Variants in XIRP2 observed in about 807,000 individuals in gnomAD.
The protein encoded by XIRP2 is xin actin-binding repeat-containing protein 2.
XIRP2 carries 236 observed loss-of-function variants against 277.0 expected under a neutral mutation model. The observed-to-expected ratio is 0.85, with a 90% CI of 0.77 to 0.95. The LOEUF is 0.95. Among genes scored for constraint, XIRP2 ranks in the 40% least tolerant of loss-of-function variants. The probability of loss-of-function intolerance (pLI) is 0.00; values close to 1 mark genes in which losing one functional copy is unlikely to be tolerated. For missense variants in XIRP2, 4,640 were observed against 4,157.5 expected, an observed-to-expected ratio of 1.12 and a Z score of -3.19; for synonymous variants, 1,490 against 1,416.5, an observed-to-expected ratio of 1.05 and a Z score of -1.17.
intron 2 of XIRP2, among the ~76,000 whole-genome samples, chr2:167,114,867 C>T (rs1156868298): frequency 6.6e-6 from 1 of 152,154 alleles, no homozygotes; most frequent in African/African-American, 2.4e-5. Flanking sequence ...GGGTTGGTTC[C>T]AAGTCTTTGC....
At chr2:167,242,493 C>G in intron 8 of XIRP2, 76 bp from the exon 9 acceptor site, 1 of 1,476,126 alleles carries the variant, frequency 6.8e-7, no homozygotes, top group Non-Finnish European at 9.1e-7. Flanking sequence ...AGGTTACAGA[C>G]CAATGAAGGG....
At chr2:167,128,435 G>T (rs1691272708) in intron 2 of XIRP2, among the ~76,000 whole-genome samples, 1 of 151,980 alleles carries the variant, frequency 6.6e-6, no homozygotes, top group Non-Finnish European at 1.5e-5. Context: ...ACCATGCACG[G>T]GAAATACAGT....
intron 2 of XIRP2, among the ~76,000 whole-genome samples, chr2:167,132,477 T>C (rs1691405557): frequency 6.6e-6 from 1 of 151,616 alleles, no homozygotes; most frequent in Admixed American, 6.6e-5. Context: ...GCTTTTCACA[T>C]GGCAGACCTG....
At chr2:166,985,063 T>C (rs1686966006) in intron 2 of XIRP2, among the ~76,000 whole-genome samples, 1 of 152,238 alleles carries the variant, frequency 6.6e-6, no homozygotes, top group Non-Finnish European at 1.5e-5. Context: ...TATTGCCAGA[T>C]ATGTCACATC....
At chr2:167,156,718 A>C (rs1692208788) in intron 3 of XIRP2, among the ~76,000 whole-genome samples, 1 of 152,202 alleles carries the variant, frequency 6.6e-6, no homozygotes, top group African/African-American at 2.4e-5. Flanking sequence ...CATTGTATCA[A>C]ATACAGTTTG....
chr2:167,206,516 A>G (rs1378734249), intron 3 of XIRP2, among the ~76,000 whole-genome samples: 4 of 152,188 alleles, frequency 2.6e-5, no homozygotes, highest in Non-Finnish European at 5.9e-5. Flanking sequence ...CTGATTTAAT[A>G]TCGGCCAAGT....
intron 3 of XIRP2, among the ~76,000 whole-genome samples, chr2:167,201,324 G>GGAAGGAAGGAAGGAAGGAAA (rs1693709428): frequency 5.3e-5 from 5 of 94,636 alleles, no homozygotes; most frequent in Admixed American, 2.0e-4. Flanking sequence ...AAAGAACGAA[G>GGAAGGAAGGAAGGAAGGAAA]GAAGGAAGGA....
At chr2:167,090,300 G>A (rs1056788518) in intron 2 of XIRP2, among the ~76,000 whole-genome samples, 4 of 152,050 alleles carry the variant, frequency 2.6e-5, no homozygotes, top group Admixed American at 6.5e-5. Context: ...CAACTGATAC[G>A]TGATTGAGTA....
chr2:167,249,682 C>A lies in XIRP2; in HGVS notation c.8290C>A (p.Gln2764Lys). The stretch of plus-strand genomic sequence containing the variant: ...AGCAAGCACTGAATGTAGTCATAAG[C>A]AATCTCTGGCTGAAAGACATTATCA... ...TEASTECSHK[Q>K]SLAERHYQLP... The change falls in exon 9 of 11, where the codon CAA becomes AAA. Residue 2764 changes from glutamine to lysine, a missense_variant. Gln to Lys is a moderately conservative substitution (Grantham distance 53, BLOSUM62 1). Coordinates refer to ENST00000409195, the MANE Select transcript of XIRP2 (RefSeq NM_152381.6). The A allele has an allele frequency of 6.2e-7, 1 of 1,613,378 alleles. No individual in the cohort carries two copies. The highest frequency in any genetic ancestry group is 1.1e-5 in the South Asian group (1 of 91,060).
intron 3 of XIRP2, among the ~76,000 whole-genome samples, chr2:167,161,184 G>A (rs1162517046): frequency 6.6e-6 from 1 of 152,210 alleles, no homozygotes; most frequent in Admixed American, 6.5e-5. Context: ...TGCTTTCACA[G>A]GCTGGTGTTG....
intron 2 of XIRP2, among the ~76,000 whole-genome samples, chr2:166,995,241 T>C (rs889978328): frequency 1.3e-5 from 2 of 152,190 alleles, no homozygotes; most frequent in African/African-American, 4.8e-5. Flanking sequence ...TGCTAGTGTA[T>C]GTACATTGTA....
intron 3 of XIRP2, among the ~76,000 whole-genome samples, chr2:167,163,506 G>A (rs1327043019): frequency 6.6e-6 from 1 of 152,144 alleles, no homozygotes; most frequent in African/African-American, 2.4e-5. Flanking sequence ...TTAATTGGAT[G>A]CTTGTCTTTT....
chr2:166,949,953 AT>A (rs1553472878), intron 2 of XIRP2, among the ~76,000 whole-genome samples: 2 of 151,992 alleles, frequency 1.3e-5, no homozygotes, highest in Non-Finnish European at 2.9e-5. Flanking sequence ...CCTTTTTACA[AT>A]TTTACCTACC....
chr2:167,017,878 A>G (rs971265692), intron 2 of XIRP2, among the ~76,000 whole-genome samples: 1 of 151,978 alleles, frequency 6.6e-6, no homozygotes, highest in Non-Finnish European at 1.5e-5. Flanking sequence ...TAGAGTCCCC[A>G]GTTTTCCCAA....
In XIRP2 at chr2:167,243,659, CT is replaced by C; in HGVS notation, c.2268del (p.Val757PhefsTer11). 2 of 1,613,980 alleles carry C rather than the reference CT, an allele frequency of 1.2e-6. No individual in the cohort carries two copies. The highest frequency in any genetic ancestry group is 1.7e-6 in the Non-Finnish European group (2 of 1,179,956). On this transcript the variant is annotated frameshift_variant, in exon 9 of 11. Coordinates refer to ENST00000409195, the MANE Select transcript of XIRP2 (RefSeq NM_152381.6). LOFTEE classifies it high-confidence loss of function. Reference sequence around the variant, plus strand: ...TCGGGCCAAATGCTGGAAATTAAAACTGTTCACAGAGAAGACGTTGAAAAGG... The same window carrying C: ...TCGGGCCAAATGCTGGAAATTAAAACGTTCACAGAGAAGACGTTGAAAAGG... The part of the protein sequence containing the change: ...DGSGQMLEIK[T>X]VHREDVEKGD...
At chr2:167,021,756 T>A (rs1192880620) in intron 2 of XIRP2, among the ~76,000 whole-genome samples, 7 of 151,990 alleles carry the variant, frequency 4.6e-5, no homozygotes, top group Non-Finnish European at 7.4e-5. Flanking sequence ...GCCCAAGAGA[T>A]TGAGGCTGTG....
chr2:167,000,539 A>T (rs1402538224), intron 2 of XIRP2, among the ~76,000 whole-genome samples: 1 of 149,810 alleles, frequency 6.7e-6, no homozygotes, highest in East Asian at 2.0e-4. Context: ...TATGATCAAC[A>T]TGGCTTTAGA....
At chr2:167,056,924 T>C (rs1689050640) in intron 2 of XIRP2, among the ~76,000 whole-genome samples, 1 of 152,152 alleles carries the variant, frequency 6.6e-6, no homozygotes, top group African/African-American at 2.4e-5. Flanking sequence ...TGTGCTTCTT[T>C]GGGAGTGATA....
At chr2:167,199,615 A>ATTTCTGTGTATTTCTGTGT (rs1296224232) in intron 3 of XIRP2, among the ~76,000 whole-genome samples, 12 of 152,224 alleles carry the variant, frequency 7.9e-5, no homozygotes, top group Non-Finnish European at 1.2e-4. Context: ...TGGAGGCCAT[A>ATTTCTGTGTATTTCTGTGT]ATTGTTTTAG....
Sources: allele counts gnomAD v4.1 joint callset (sites outside exome capture counted in the v4.1 genomes callset), GRCh38; gene constraint gnomAD v4.1.1; transcripts MANE v1.5; gene names NCBI Gene and HGNC (gene_info 2026-07-23, HGNC 2026-07-21).